LY6S: variants seen among roughly 807,000 people sequenced by gnomAD.
LY6S encodes the protein lymphocyte antigen 6S.
chr8:143,049,583 C>A, the LY6S span, among the ~76,000 whole-genome samples: 2 of 152,230 alleles, frequency 1.3e-5, no homozygotes, highest in African/African-American at 2.4e-5. Flanking sequence ...GGAAGGGACT[C>A]CAGGCCCCAT....
chr8:143,073,076 G>A, the LY6S span, among the ~76,000 whole-genome samples: 17 of 144,550 alleles, frequency 1.2e-4, no homozygotes, highest in Admixed American at 2.0e-4. Context: ...CCTGTTTGAG[G>A]AGACAGCCGT....
At chr8:143,054,279 G>A in the LY6S span, 1 of 146,548 alleles carries the variant, frequency 6.8e-6, no homozygotes, top group Non-Finnish European at 1.5e-5. Context: ...ACTCCAGCCT[G>A]GGGGACAGAG....
the LY6S span, among the ~76,000 whole-genome samples, chr8:143,068,154 C>T: frequency 1.3e-5 from 2 of 152,198 alleles, no homozygotes; most frequent in African/African-American, 4.8e-5. Flanking sequence ...GAGGTCCCTG[C>T]GGCTTTCCGC....
chr8:143,068,103 G>GT, the LY6S span, among the ~76,000 whole-genome samples: 1 of 152,232 alleles, frequency 6.6e-6, no homozygotes, highest in Non-Finnish European at 1.5e-5. Context: ...GGCTGTCTCA[G>GT]TGGGGGGAAA....
At chr8:143,058,788 A>G in the LY6S span, among the ~76,000 whole-genome samples, 1 of 152,220 alleles carries the variant, frequency 6.6e-6, no homozygotes, top group Admixed American at 6.5e-5. Flanking sequence ...CCGCCTGGCA[A>G]CCGGCGTCTT....
At chr8:143,055,406 A>G in the LY6S span, among the ~76,000 whole-genome samples, 1 of 152,218 alleles carries the variant, frequency 6.6e-6, no homozygotes, top group Non-Finnish European at 1.5e-5. Flanking sequence ...GTGAGAATCC[A>G]TAAGTTTGGC....
At chr8:143,068,687 T>C in the LY6S span, among the ~76,000 whole-genome samples, 1 of 152,286 alleles carries the variant, frequency 6.6e-6, no homozygotes, top group South Asian at 2.1e-4. Flanking sequence ...TGGAGAACAG[T>C]AATTATATAT....
At chr8:143,048,733 G>C in the LY6S span, among the ~76,000 whole-genome samples, 1 of 152,162 alleles carries the variant, frequency 6.6e-6, no homozygotes, top group African/African-American at 2.4e-5. Flanking sequence ...GCCTCCCTAA[G>C]TGTTGGGATT....
the LY6S span, among the ~76,000 whole-genome samples, chr8:143,069,808 G>C: frequency 6.6e-6 from 1 of 152,184 alleles, no homozygotes; most frequent in Non-Finnish European, 1.5e-5. Flanking sequence ...GACTCCGCAA[G>C]CAGAGAACAC....
At chr8:143,044,721 A>C in the LY6S span, 11 of 1,367,588 alleles carry the variant, frequency 8.0e-6, no homozygotes, top group Non-Finnish European at 1.1e-5. Flanking sequence ...CACAGACCCC[A>C]TCCAGGAAGG....
chr8:143,073,458 C>T, the LY6S span, among the ~76,000 whole-genome samples: 9 of 146,580 alleles, frequency 6.1e-5, no homozygotes, highest in African/African-American at 2.0e-4. Context: ...AGGAGACAGC[C>T]GTCGTCCCCG....
the LY6S span, chr8:143,066,178 T>TTTTCTTTTCTTTTCTTTTCG: frequency 3.1e-6 from 1 of 323,450 alleles, no homozygotes; most frequent in Admixed American, 4.0e-5. Context: ...TTTTCTTTTC[T>TTTTCTTTTCTTTTCTTTTCG]TTTCTTTCAA....
At chr8:143,042,937 C>A in the LY6S span, 1 of 1,217,324 alleles carries the variant, frequency 8.2e-7, no homozygotes, top group Non-Finnish European at 1.1e-6. Flanking sequence ...GGAGTTTAAG[C>A]AGGGATATGT....
At chr8:143,042,919 G>A in the LY6S span, 1 of 1,079,684 alleles carries the variant, frequency 9.3e-7, no homozygotes, top group Non-Finnish European at 1.3e-6. Context: ...CCTGGGCCCA[G>A]AGGACAAGGA....
chr8:143,057,857 G>A, the LY6S span: 1 of 692,740 alleles, frequency 1.4e-6, no homozygotes, highest in South Asian at 1.5e-5. Context: ...CTGACTGGGG[G>A]CCTGTGTCGG....
chr8:143,044,607 G>C, the LY6S span: 3 of 1,295,060 alleles, frequency 2.3e-6, no homozygotes, highest in Non-Finnish European at 3.0e-6. Context: ...GGGGACCTTG[G>C]TCCATCATGC....
chr8:143,059,190 G>A, the LY6S span, among the ~76,000 whole-genome samples: 20 of 152,060 alleles, frequency 1.3e-4, no homozygotes, highest in African/African-American at 4.6e-4. Flanking sequence ...CACCGTATGC[G>A]GCCACATCTT....
At chr8:143,075,748 T>C in the LY6S span, among the ~76,000 whole-genome samples, 1 of 152,170 alleles carries the variant, frequency 6.6e-6, no homozygotes, top group African/African-American at 2.4e-5. This position sits in a 1 kb window ranked among gnomAD's most constrained non-coding sequence, Gnocchi z 4.1. Flanking sequence ...AATGCAAATA[T>C]ATAGGGTTAG....
the LY6S span, among the ~76,000 whole-genome samples, chr8:143,061,824 G>A: frequency 2.0e-4 from 31 of 152,320 alleles, no homozygotes; most frequent in South Asian, 5.0e-3. Flanking sequence ...GATTACAGGT[G>A]TGAGTCACCA....
Sources: gnomAD v4.1 joint callset for allele counts (sites outside exome capture counted in the v4.1 genomes callset) on GRCh38, gnomAD v4.1.1 for gene constraint, Gnocchi (gnomAD v3.1) non-coding constraint, MANE v1.5 for transcripts, NCBI Gene and HGNC (gene_info 2026-07-23, HGNC 2026-07-21) for gene names.